The following DPYSL3 variants were observed in gnomAD, a reference collection of about 807,000 sequenced individuals.
DPYSL3 encodes the protein dihydropyrimidinase-related protein 3.
In DPYSL3, 16 loss-of-function variants were observed where a neutral mutation model predicts 66.1. The ratio of observed to expected loss-of-function variants is 0.24; its 90% confidence interval spans 0.16 to 0.37. DPYSL3 has a LOEUF of 0.37. Ranked by LOEUF, DPYSL3 falls within the 10% of genes least tolerant of loss-of-function variation. The pLI, the probability that DPYSL3 is intolerant of heterozygous loss-of-function variation, is 1.00. For synonymous variants in DPYSL3, 338 were observed against 345.1 expected, an observed-to-expected ratio of 0.98 and a Z score of 0.23; for missense variants, 738 against 916.2, an observed-to-expected ratio of 0.81 and a Z score of 2.51.
intron 1 of DPYSL3, among the ~76,000 whole-genome samples, chr5:147,455,092 C>T (rs1752822361): frequency 6.6e-6 from 1 of 152,180 alleles, no homozygotes; most frequent in Non-Finnish European, 1.5e-5. Flanking sequence ...CTTGAATTCA[C>T]GTTTCCATAA....
At chr5:147,428,541 C>G (rs1209838166) in intron 1 of DPYSL3, among the ~76,000 whole-genome samples, 6 of 152,006 alleles carry the variant, frequency 3.9e-5, no homozygotes, top group African/African-American at 1.4e-4. Flanking sequence ...AAAATCAAAC[C>G]CCACTGGACA....
intron 1 of DPYSL3, among the ~76,000 whole-genome samples, chr5:147,426,790 C>CACCT (rs1307696218): frequency 2.0e-5 from 3 of 152,196 alleles, no homozygotes; most frequent in African/African-American, 7.2e-5. Flanking sequence ...AGAAAATTAC[C>CACCT]ACCTAGCTTC....
rs769338348 is a variant in DPYSL3 at position 147,401,621 on chromosome 5, G to A, written c.1229C>T (p.Ala410Val). The stretch of plus-strand genomic sequence containing the variant: ...GGATGTCACAAATGCAGCCGCCTTG[G>A]CCCAGTTCTTGCTCCAATAATGGGT... ...DGTHYWSKNW[A>V]KAAAFVTSPP... Residue 410 changes from alanine (A) to valine (V), a missense_variant, in exon 9 of 14, where the codon GCC becomes GTC. Physicochemically the swap from Ala to Val is moderately conservative, Grantham distance 64. Coordinates refer to ENST00000343218, the MANE Select transcript of DPYSL3 (RefSeq NM_001197294.2). 9 of 1,614,076 alleles carry A rather than the reference G, an allele frequency of 5.6e-6. No homozygotes were observed. The highest frequency in any genetic ancestry group is 7.6e-6 in the Non-Finnish European group (9 of 1,180,008).
intron 2 of DPYSL3, among the ~76,000 whole-genome samples, chr5:147,423,146 A>C (rs1000351556): frequency 9.9e-5 from 15 of 152,140 alleles, no homozygotes; most frequent in Admixed American, 2.6e-4. Context: ...TATATATAAT[A>C]ATTTTTTAGT....
At chr5:147,495,209 C>G (rs919169492) in intron 1 of DPYSL3, among the ~76,000 whole-genome samples, 2 of 152,156 alleles carry the variant, frequency 1.3e-5, no homozygotes, top group African/African-American at 2.4e-5. Flanking sequence ...TTCTCTGAGA[C>G]CAGCATTACT....
At chr5:147,424,593 A>G (rs1363024628) in intron 2 of DPYSL3, among the ~76,000 whole-genome samples, 4 of 151,914 alleles carry the variant, frequency 2.6e-5, no homozygotes, top group Non-Finnish European at 5.9e-5. Flanking sequence ...CCCGACTTCA[A>G]CTCCTTTGAT....
Position 147,415,778 on chromosome 5 carries a change from G to C in DPYSL3, c.751C>G (p.Leu251Val). 1 of 1,614,052 alleles carries C rather than the reference G, an allele frequency of 6.2e-7. No homozygotes were observed. Among genetic ancestry groups the C allele is most frequent in the African/African-American group, 1.3e-5 (1 of 75,028 alleles). ...TTCCAGTGGGTGATGTCCACATGCA[G>C]GGCATAGTCACAGCAACTCTTCCCA... ...ADGKSCCDYA[L>V]HVDITHWNDS... Residue 251 changes from leucine to valine, a missense_variant, in exon 4 of 14, where the codon CTG becomes GTG. Leu to Val is a conservative substitution (Grantham distance 32). Transcript: ENST00000343218.
intron 1 of DPYSL3, among the ~76,000 whole-genome samples, chr5:147,493,569 G>C (rs1278678478): frequency 1.3e-5 from 2 of 151,180 alleles, no homozygotes; most frequent in Non-Finnish European, 2.9e-5. Flanking sequence ...GCGAGACTCT[G>C]TCTAAAAAAA....
intron 1 of DPYSL3, among the ~76,000 whole-genome samples, chr5:147,486,012 T>A (rs577890868): frequency 1.3e-5 from 2 of 152,176 alleles, no homozygotes; most frequent in African/African-American, 4.8e-5. Context: ...TGGAATACTA[T>A]GCAGCCATAA....
rs556547011 is a variant in DPYSL3 at position 147,428,930 on chromosome 5, G to T, written c.382-3967C>A. Among the ~76,000 whole-genome samples, 3 of 152,170 alleles carry T rather than the reference G, an allele frequency of 2.0e-5. No individual in the cohort carries two copies. The South Asian group carries it at 6.2e-4, about 32-fold the overall frequency. On this transcript the variant is annotated intron_variant, in intron 1 of 13. Coordinates refer to ENST00000343218, the MANE Select transcript of DPYSL3 (RefSeq NM_001197294.2). ...ACATGTTTACCTATGTAACAAACCT[G>T]TGCATCCCGTACATGTATCCCAGAA...
chr5:147,405,288 T>C (rs1363774095), intron 8 of DPYSL3, among the ~76,000 whole-genome samples: 1 of 152,234 alleles, frequency 6.6e-6, no homozygotes, highest in East Asian at 1.9e-4. Flanking sequence ...TCCTGACTGA[T>C]ATGTCCGTTT....
chr5:147,417,743 AAAAACAAAAC>A (rs1455995432), intron 3 of DPYSL3, among the ~76,000 whole-genome samples: 1 of 152,190 alleles, frequency 6.6e-6, no homozygotes, highest in African/African-American at 2.4e-5. Context: ...TTGCAATAGA[AAAAACAAAAC>A]AAAACAAAAT....
intron 1 of DPYSL3, among the ~76,000 whole-genome samples, chr5:147,490,996 T>C (rs147540828): frequency 1.3e-5 from 2 of 152,268 alleles, no homozygotes; most frequent in African/African-American, 2.4e-5. Flanking sequence ...AGGAACCATT[T>C]TGAAATACAT....
chr5:147,396,544 A>T (rs1757979815), intron 12 of DPYSL3, among the ~76,000 whole-genome samples: 1 of 152,154 alleles, frequency 6.6e-6, no homozygotes, highest in African/African-American at 2.4e-5. Flanking sequence ...TCATCACAAG[A>T]AGTCCTGTCA....
At position 147,509,561 on chromosome 5, in the gene DPYSL3, G is replaced by A. The variant is rs1753728757; in HGVS notation, c.298C>T (p.Pro100Ser). Residue 100 changes from proline to serine, a missense_variant, in exon 1 of 14, where the codon CCC becomes TCC. Pro to Ser is a moderately conservative substitution (Grantham distance 74). Coordinates refer to ENST00000343218, the MANE Select transcript of DPYSL3 (RefSeq NM_001197294.2). This position sits in a 1 kb window ranked among gnomAD's most constrained non-coding sequence, Gnocchi z 5.3. ...ACCCCGGCGGGGGCGGGGGAGGCGG[G>A]CGCGGGCTCCCTGCTCTCTTCCCGG... is the stretch of plus-strand genomic sequence containing the variant. Reference protein sequence around the residue: ...QGREESREPAPASPAPAGVEI... With the variant: ...QGREESREPASASPAPAGVEI... 2.0e-6 allele frequency: 3 copies of A among 1,535,006 alleles called. No homozygotes were observed. Among genetic ancestry groups the A allele is most frequent in the Non-Finnish European group, 2.6e-6 (3 of 1,146,506 alleles).
intron 1 of DPYSL3, among the ~76,000 whole-genome samples, chr5:147,475,265 A>C (rs1289436442): frequency 6.6e-6 from 1 of 152,098 alleles, no homozygotes; most frequent in Non-Finnish European, 1.5e-5. Context: ...TATTGTACAG[A>C]TGTTAGTTTC....
chr5:147,501,650 T>C (rs1285243378), intron 1 of DPYSL3, among the ~76,000 whole-genome samples: 1 of 152,048 alleles, frequency 6.6e-6, no homozygotes, highest in African/African-American at 2.4e-5. Flanking sequence ...GGCTAATATT[T>C]GTATTTTTAG....
At chr5:147,402,705 C>T (rs541026049) in intron 8 of DPYSL3, among the ~76,000 whole-genome samples, 2 of 152,168 alleles carry the variant, frequency 1.3e-5, no homozygotes, top group South Asian at 4.1e-4. Context: ...GTAAAAGTCA[C>T]CCAATAACCT....
rs991678747 is a variant in DPYSL3, at chr5:147,472,137, G to A, written c.381+37341C>T. Among the ~76,000 whole-genome samples the A allele has an allele frequency of 3.9e-5, 6 of 152,116 alleles. No individual in the cohort carries two copies. In the East Asian group the frequency reaches 1.2e-3, roughly 29 times the overall value. On this transcript the variant is annotated intron_variant, in intron 1 of 13. Coordinates refer to ENST00000343218, the MANE Select transcript of DPYSL3 (RefSeq NM_001197294.2). ...AGTGATACTACTAGTATAGAGCTCC[G>A]ACTTCTAATCCAGAGATCCACCATC...
Sources: gnomAD v4.1 joint callset for allele counts (sites outside exome capture counted in the v4.1 genomes callset) on GRCh38, gnomAD v4.1.1 for gene constraint, Gnocchi (gnomAD v3.1) non-coding constraint, MANE v1.5 for transcripts, NCBI Gene and HGNC (gene_info 2026-07-23, HGNC 2026-07-21) for gene names.